Variants in EIF4E3 observed in about 807,000 individuals in gnomAD.
The protein encoded by EIF4E3 is eukaryotic translation initiation factor 4E type 3.
Under a neutral mutation model 31.7 loss-of-function variants are expected in EIF4E3, and 26 were observed. That is an observed-to-expected ratio of 0.82 (90% CI 0.60 to 1.14). EIF4E3 has a LOEUF of 1.14. Among genes scored for constraint, EIF4E3 ranks in the 50% most tolerant of loss-of-function variants. The probability of loss-of-function intolerance (pLI) is 0.00; values close to 1 mark genes in which losing one functional copy is unlikely to be tolerated. For missense variants in EIF4E3, 304 were observed against 270.9 expected (o/e 1.12, Z -0.86); for synonymous variants, 128 against 107.7 (o/e 1.19, Z -1.17).
chr3:71,692,137 G>C (rs2049071757), intron 5 of EIF4E3, among the ~76,000 whole-genome samples: 1 of 152,196 alleles, frequency 6.6e-6, no homozygotes, highest in East Asian at 1.9e-4. Flanking sequence ...TCCAAAGGCA[G>C]ATCCATTAGC....
At chr3:71,710,125 C>T (rs374001916) in intron 2 of EIF4E3, among the ~76,000 whole-genome samples, 97 of 152,178 alleles carry the variant, frequency 6.4e-4, no homozygotes, top group African/African-American at 2.2e-3. Flanking sequence ...GAAAAACCTT[C>T]GCTCTTAACC....
In EIF4E3 at chr3:71,696,393, T is replaced by A; in HGVS notation, c.405+67A>T. 3.8e-6 allele frequency: 6 copies of A among 1,576,414 alleles called. No individual in the cohort carries two copies. In the South Asian group the frequency reaches 6.7e-5, roughly 18 times the overall value. On this transcript the variant is annotated intron_variant, in intron 4 of 6. Coordinates refer to ENST00000425534, the MANE Select transcript of EIF4E3 (RefSeq NM_001134651.2). ...AATAGGCTATCTGCAAAGCACAAAA[T>A]GCTGATGACAGGCAGTCAACAACTC...
intron 4 of EIF4E3, among the ~76,000 whole-genome samples, chr3:71,694,695 C>T (rs990269483): frequency 2.0e-5 from 3 of 152,164 alleles, no homozygotes; most frequent in African/African-American, 7.2e-5. Context: ...CCAAATTGCC[C>T]CCAAACTAGG....
At chr3:71,714,009 G>A (rs192437025) in intron 1 of EIF4E3, among the ~76,000 whole-genome samples, 4 of 152,100 alleles carry the variant, frequency 2.6e-5, no homozygotes, top group African/African-American at 9.6e-5. Context: ...TCAGGTGTTC[G>A]AGACCAGCCT....
chr3:71,687,806 G>A (rs1233398969), intron 6 of EIF4E3, among the ~76,000 whole-genome samples: 4 of 152,176 alleles, frequency 2.6e-5, no homozygotes, highest in African/African-American at 9.7e-5. Context: ...ACAGTCACCT[G>A]GCTTATGTAA....
intron 1 of EIF4E3, among the ~76,000 whole-genome samples, chr3:71,751,548 A>G (rs2049929384): frequency 6.6e-6 from 1 of 152,242 alleles, no homozygotes; most frequent in South Asian, 2.1e-4. Flanking sequence ...AGGCAGCCCA[A>G]GCGCTAAGGG....
rs924044539 is a variant in EIF4E3 at position 71,683,106 on chromosome 3, C to A, written c.*1576G>T. On this transcript the variant is annotated 3_prime_UTR_variant, in exon 7 of 7. Transcript: ENST00000425534. ...CTCAAGTTTAGGGAAAAAAAAAAAGCATTTTAAGAAACCTATGATGGTAAG... is the reference window on the plus strand; with the variant it reads ...CTCAAGTTTAGGGAAAAAAAAAAAGAATTTTAAGAAACCTATGATGGTAAG... 6.6e-6 allele frequency: 1 copy of A among 151,556 alleles called. No individual in the cohort carries two copies. Among genetic ancestry groups the A allele is most frequent in the Non-Finnish European group, 1.5e-5 (1 of 67,856 alleles). 9.4% of individuals were successfully genotyped at this position (151,556 alleles called of 1,614,324 possible).
At chr3:71,754,703 C>G (rs770128373), upstream of EIF4E3, 1 of 1,489,086 alleles carries the variant, frequency 6.7e-7, no homozygotes, top group South Asian at 1.2e-5. This position sits in a 1 kb window ranked among gnomAD's most constrained non-coding sequence, Gnocchi z 5.8. Flanking sequence ...GGCCCGCGCG[C>G]CTGGTGCCCG....
intron 1 of EIF4E3, among the ~76,000 whole-genome samples, chr3:71,747,961 C>G (rs1384123938): frequency 2.0e-4 from 31 of 152,206 alleles, no homozygotes; most frequent in Non-Finnish European, 1.5e-5. Context: ...ATACAGACAG[C>G]AAGCACAATA....
At position 71,680,520 on chromosome 3, in the gene EIF4E3, T is replaced by C. The variant is rs1210121810; in HGVS notation, c.*4162A>G. The C allele has an allele frequency of 1.3e-5, 2 of 152,224 alleles. No homozygotes were observed. Among genetic ancestry groups the C allele is most frequent in the Non-Finnish European group, 2.9e-5 (2 of 68,042 alleles). The allele number at this position is 152,224 out of a possible 1,614,324, so 9.4% of individuals were successfully genotyped here. On this transcript the variant is annotated 3_prime_UTR_variant, in exon 7 of 7. Coordinates refer to ENST00000425534, the MANE Select transcript of EIF4E3 (RefSeq NM_001134651.2). The stretch of plus-strand genomic sequence containing the variant: ...AAAGAATTTCTAGAACACAAGACAG[T>C]GACTTTTGGCCTGAGTGGGCCAATC...
At chr3:71,672,249 C>A (rs2048850483), downstream of EIF4E3, among the ~76,000 whole-genome samples, 1 of 152,052 alleles carries the variant, frequency 6.6e-6, no homozygotes, top group Non-Finnish European at 1.5e-5. Flanking sequence ...TTAACCTCAT[C>A]TTCACAGCAG....
rs747211569 is a variant in EIF4E3 at position 71,679,918 on chromosome 3, A to G, written c.*4764T>C. ...ATGCCATAAGACATTATAGAAAAGT[A>G]GTTACTGCACATATGGAGTAACTAC... On this transcript the variant is annotated 3_prime_UTR_variant, in exon 7 of 7. Transcript: ENST00000425534. 2 of 152,192 alleles carry G rather than the reference A, an allele frequency of 1.3e-5. No individual in the cohort carries two copies. Among genetic ancestry groups the G allele is most frequent in the Non-Finnish European group, 2.9e-5 (2 of 68,030 alleles). The allele number at this position is 152,192 out of a possible 1,614,324, so 9.4% of individuals were successfully genotyped here. A position where few individuals can be genotyped will look rare whatever the true frequency, so the allele number is the denominator to read the frequency against.
At chr3:71,754,530 G>A, upstream of EIF4E3, 2 of 1,342,694 alleles carry the variant, frequency 1.5e-6, no homozygotes, top group Non-Finnish European at 1.9e-6. The surrounding 1 kb of genome is among the most constrained non-coding windows in gnomAD (Gnocchi z 5.8). Flanking sequence ...GCCAGTGCTG[G>A]ACGGCGGTGG....
chr3:71,695,496 T>C (rs2049123940), intron 4 of EIF4E3, among the ~76,000 whole-genome samples: 1 of 152,160 alleles, frequency 6.6e-6, no homozygotes, highest in Admixed American at 6.5e-5. Context: ...GCAAAAAGTG[T>C]TCATAGTGAA....
the EIF4E3 span, among the ~76,000 whole-genome samples, chr3:71,668,956 T>G: frequency 4.6e-5 from 7 of 152,208 alleles, no homozygotes; most frequent in African/African-American, 1.4e-4. Flanking sequence ...ATATGTTTAT[T>G]GCAGCACTGT....
the EIF4E3 span, among the ~76,000 whole-genome samples, chr3:71,661,081 A>T: frequency 4.4e-4 from 67 of 152,306 alleles, no homozygotes; most frequent in African/African-American, 1.5e-3. Context: ...AATTGCCCCC[A>T]CAGAGATTCT....
the EIF4E3 span, among the ~76,000 whole-genome samples, chr3:71,666,241 TA>T: frequency 5.4e-3 from 800 of 147,376 alleles, 6 homozygotes; most frequent in African/African-American, 0.02. Flanking sequence ...CAAATAGACA[TA>T]AAAAAAATGG....
chr3:71,697,185 T>G (rs1340286567), intron 3 of EIF4E3, among the ~76,000 whole-genome samples: 1 of 152,110 alleles, frequency 6.6e-6, no homozygotes, highest in East Asian at 1.9e-4. Context: ...CTGGCTAATT[T>G]TTAAAATTTT....
intron 6 of EIF4E3, among the ~76,000 whole-genome samples, chr3:71,688,650 G>A (rs1008512271): frequency 6.6e-5 from 10 of 152,020 alleles, no homozygotes; most frequent in African/African-American, 2.2e-4. Flanking sequence ...ATACACTTCC[G>A]TCTATAGAGT....
Sources: gnomAD v4.1 joint callset for allele counts (sites outside exome capture counted in the v4.1 genomes callset) on GRCh38, gnomAD v4.1.1 for gene constraint, Gnocchi (gnomAD v3.1) non-coding constraint, MANE v1.5 for transcripts, NCBI Gene and HGNC (gene_info 2026-07-23, HGNC 2026-07-21) for gene names.